TMEM178B: variants seen among roughly 807,000 people sequenced by gnomAD.
The protein encoded by TMEM178B is transmembrane protein 178B.
In TMEM178B, 5 loss-of-function variants were observed where a neutral mutation model predicts 31.0. The ratio of observed to expected loss-of-function variants is 0.16; its 90% confidence interval spans 0.08 to 0.34. The LOEUF is 0.34. TMEM178B is among the 10% of genes least tolerant of loss of function. The pLI, the probability that TMEM178B is intolerant of heterozygous loss-of-function variation, is 1.00. For missense variants in TMEM178B, 275 were observed against 400.3 expected (o/e 0.69, Z 2.67); for synonymous variants, 164 against 164.0 (o/e 1.00, Z 0.00).
chr7:141,163,057 A>G (rs575497726), intron 1 of TMEM178B, among the ~76,000 whole-genome samples: 100 of 152,264 alleles, frequency 6.6e-4, no homozygotes, highest in African/African-American at 2.3e-3. Context: ...TACAATGAAC[A>G]TTATTTCTCC....
At chr7:141,496,528 G>A in the TMEM178B span, among the ~76,000 whole-genome samples, 1 of 142,490 alleles carries the variant, frequency 7.0e-6, no homozygotes, top group African/African-American at 3.1e-5. Flanking sequence ...AAATTAGCCA[G>A]GTGTAGTGGC....
At chr7:141,112,920 AG>A (rs1210575890) in intron 1 of TMEM178B, among the ~76,000 whole-genome samples, 1 of 152,192 alleles carries the variant, frequency 6.6e-6, no homozygotes, top group Non-Finnish European at 1.5e-5. Context: ...TGTGGGGAAG[AG>A]GTATAAAAGG....
At chr7:141,091,651 C>A (rs1794882708) in intron 1 of TMEM178B, among the ~76,000 whole-genome samples, 1 of 152,168 alleles carries the variant, frequency 6.6e-6, no homozygotes, top group Non-Finnish European at 1.5e-5. Context: ...GGAATAACAA[C>A]AAGAATATCC....
chr7:141,441,998 C>T (rs1180478283), intron 3 of TMEM178B, among the ~76,000 whole-genome samples: 1 of 152,170 alleles, frequency 6.6e-6, no homozygotes, highest in Admixed American at 6.5e-5. Context: ...GGGAGAATCT[C>T]GCCCAGACTG....
intron 1 of TMEM178B, among the ~76,000 whole-genome samples, chr7:141,122,905 T>C (rs1358988269): frequency 6.6e-6 from 1 of 152,228 alleles, no homozygotes; most frequent in Non-Finnish European, 1.5e-5. Flanking sequence ...CCTGCCCACT[T>C]GCAGGCGGAT....
In TMEM178B at chr7:141,083,362, C is replaced by A. The variant is rs1019606722; in HGVS notation, c.382+8670C>A. On this transcript the variant is annotated intron_variant, in intron 1 of 3. Coordinates refer to ENST00000565468, the MANE Select transcript of TMEM178B (RefSeq NM_001195278.2). ...TCTATAAACTCCAAGCCCTTTCATACTTTTACATTTGATGAGAAAGTTAGA... is the reference window on the plus strand; with the variant it reads ...TCTATAAACTCCAAGCCCTTTCATAATTTTACATTTGATGAGAAAGTTAGA... Among the ~76,000 whole-genome samples, 3 of 151,372 alleles carry A rather than the reference C, an allele frequency of 2.0e-5. No individual in the cohort carries two copies. The East Asian group carries it at 5.8e-4, about 29-fold the overall frequency.
At chr7:141,142,069 T>A (rs1351693323) in intron 1 of TMEM178B, among the ~76,000 whole-genome samples, 1 of 152,200 alleles carries the variant, frequency 6.6e-6, no homozygotes, top group Admixed American at 6.5e-5. Context: ...TTCCACCCTG[T>A]CTCCAATGTC....
chr7:141,506,881 C>T, the TMEM178B span, among the ~76,000 whole-genome samples: 1 of 152,262 alleles, frequency 6.6e-6, no homozygotes, highest in Admixed American at 6.5e-5. Context: ...GTAAATACAG[C>T]CTTTCCAAAT....
chr7:141,147,225 T>C (rs1054488162), intron 1 of TMEM178B, among the ~76,000 whole-genome samples: 6 of 151,702 alleles, frequency 4.0e-5, no homozygotes, highest in African/African-American at 1.5e-4. Context: ...CCGTCCCTCC[T>C]TCCCTTTCTC....
intron 2 of TMEM178B, among the ~76,000 whole-genome samples, chr7:141,234,220 AC>A (rs1797492225): frequency 6.6e-6 from 1 of 152,198 alleles, no homozygotes; most frequent in Non-Finnish European, 1.5e-5. Flanking sequence ...ATATTCATAA[AC>A]AAATCACTTC....
chr7:141,431,581 G>A (rs1236887052), intron 2 of TMEM178B, among the ~76,000 whole-genome samples: 2 of 152,070 alleles, frequency 1.3e-5, no homozygotes, highest in Non-Finnish European at 2.9e-5. Flanking sequence ...ACAGATAATG[G>A]ACTCAAGCCT....
At chr7:141,488,803 A>G in the TMEM178B span, among the ~76,000 whole-genome samples, 1 of 152,138 alleles carries the variant, frequency 6.6e-6, no homozygotes, top group African/African-American at 2.4e-5. Flanking sequence ...TAAAATATGC[A>G]AAGACTTTTA....
chr7:141,257,884 A>G (rs1216052876), intron 2 of TMEM178B, among the ~76,000 whole-genome samples: 1 of 151,606 alleles, frequency 6.6e-6, no homozygotes, highest in East Asian at 1.9e-4. Flanking sequence ...TTTCTTTTCT[A>G]TATGGTCTCC....
intron 1 of TMEM178B, among the ~76,000 whole-genome samples, chr7:141,101,749 C>A (rs1331697312): frequency 6.6e-6 from 1 of 152,134 alleles, no homozygotes; most frequent in Non-Finnish European, 1.5e-5. Context: ...GTTTTAATGG[C>A]CTATTACTAA....
At chr7:141,081,260 G>T (rs774673550) in intron 1 of TMEM178B, among the ~76,000 whole-genome samples, 1 of 152,072 alleles carries the variant, frequency 6.6e-6, no homozygotes, top group Non-Finnish European at 1.5e-5. Context: ...GTGTGTGTGT[G>T]TGTCTTAGTT....
intron 2 of TMEM178B, among the ~76,000 whole-genome samples, chr7:141,408,576 G>A (rs1481594315): frequency 1.3e-5 from 2 of 152,220 alleles, no homozygotes; most frequent in Admixed American, 6.5e-5. Context: ...ATCAGAAAGA[G>A]TTGTGGTTCC....
At chr7:141,273,926 T>A (rs1198330933) in intron 2 of TMEM178B, among the ~76,000 whole-genome samples, 2 of 152,248 alleles carry the variant, frequency 1.3e-5, no homozygotes, top group Admixed American at 6.5e-5. Context: ...CATCTCCTAC[T>A]CCTAGGTTTC....
At chr7:141,323,221 A>G (rs1799131559) in intron 2 of TMEM178B, among the ~76,000 whole-genome samples, 1 of 152,232 alleles carries the variant, frequency 6.6e-6, no homozygotes, top group South Asian at 2.1e-4. Context: ...AATCCAATGC[A>G]GAAGGAATAA....
chr7:141,417,424 T>G (rs1446994405), intron 2 of TMEM178B, among the ~76,000 whole-genome samples: 2 of 152,216 alleles, frequency 1.3e-5, no homozygotes, highest in East Asian at 3.8e-4. Flanking sequence ...TTACCCATCT[T>G]TGTCTCTTCA....
Sources: gnomAD v4.1 joint callset for allele counts (sites outside exome capture counted in the v4.1 genomes callset) on GRCh38, gnomAD v4.1.1 for gene constraint, MANE v1.5 for transcripts, NCBI Gene and HGNC (gene_info 2026-07-23, HGNC 2026-07-21) for gene names.